The following SLC9A6 variants were observed in gnomAD, a reference collection of about 807,000 sequenced individuals.
The protein encoded by SLC9A6 is sodium/hydrogen exchanger 6.
Under a neutral mutation model 45.3 loss-of-function variants are expected in SLC9A6, and 6 were observed. The ratio of observed to expected loss-of-function variants is 0.13; its 90% CI spans 0.07 to 0.26. The LOEUF is 0.26. Ranked by LOEUF, SLC9A6 falls within the 10% of genes least tolerant of loss-of-function variation. The pLI, the probability that SLC9A6 is intolerant of heterozygous loss-of-function variation, is 1.00. For synonymous variants in SLC9A6, 191 were observed against 187.7 expected, an observed-to-expected ratio of 1.02 and a Z score of -0.14; for missense variants, 278 against 503.7, an observed-to-expected ratio of 0.55 and a Z score of 4.29.
Position 136,044,877 on chromosome X carries a change from C to T in SLC9A6, c.*153C>T, listed in dbSNP as rs1556623296. Reference sequence around the variant, plus strand: ...AGAAAGAATATAAATATCCTGTACACGGCAGATTGTGAACAAACTATATTC... The same window carrying T: ...AGAAAGAATATAAATATCCTGTACATGGCAGATTGTGAACAAACTATATTC... On this transcript the variant is annotated 3_prime_UTR_variant, in exon 18 of 18. Coordinates refer to ENST00000630721, the MANE Select transcript of SLC9A6 (RefSeq NM_001379110.1). 2.4e-5 allele frequency: 12 copies of T among 500,108 alleles called. No homozygotes were observed. Among genetic ancestry groups the T allele is most frequent in the Middle Eastern group, 5.5e-4 (1 of 1,834 alleles). The allele number at this position is 500,108 out of a possible 1,213,427, so 41.2% of individuals were successfully genotyped here. A position where few individuals can be genotyped will look rare whatever the true frequency, so the allele number is the denominator to read the frequency against.
intron 2 of SLC9A6, among the ~76,000 whole-genome samples, chrX:135,989,177 G>A (rs919954408): frequency 1.8e-5 from 2 of 111,165 alleles, no homozygotes; most frequent in Non-Finnish European, 3.8e-5. Flanking sequence ...AGAAGCAGGA[G>A]TAAAAACAGT....
Position 136,044,837 on chromosome X carries a change from C to G in SLC9A6, c.*113C>G. The G allele has an allele frequency of 1.6e-6, 1 of 639,563 alleles. No individual in the cohort carries two copies. Among genetic ancestry groups the G allele is most frequent in the South Asian group, 2.5e-5 (1 of 40,392 alleles). 52.7% of individuals were successfully genotyped at this position (639,563 alleles called of 1,213,427 possible). A position where few individuals can be genotyped will look rare whatever the true frequency, so the allele number is the denominator to read the frequency against. ...TCTGAATGTGTAAGCTATATAAATG[C>G]TATTTATATGGCATAGAAAGAATAT... On this transcript the variant is annotated 3_prime_UTR_variant, in exon 18 of 18. Transcript: ENST00000630721.
intron 7 of SLC9A6, among the ~76,000 whole-genome samples, chrX:136,003,241 G>C (rs1226302414): frequency 9.1e-6 from 1 of 109,666 alleles, no homozygotes; most frequent in African/African-American, 3.3e-5. Flanking sequence ...TGCCCGCCTC[G>C]GCCTCCCAAA....
At position 136,046,793 on chromosome X, in the gene SLC9A6, C is replaced by A. The variant is rs1463608545; in HGVS notation, c.*2069C>A. ...ACATCTCCAAGCAAGGAAGAAAAAA[C>A]AAACTCTGCTCAGACGCCTATGAAA... On this transcript the variant is annotated 3_prime_UTR_variant, in exon 18 of 18. Transcript: ENST00000630721. The A allele has an allele frequency of 8.9e-6, 1 of 112,426 alleles. No individual in the cohort carries two copies. Among genetic ancestry groups the A allele is most frequent in the Non-Finnish European group, 1.9e-5 (1 of 53,265 alleles). 9.3% of individuals were successfully genotyped at this position (112,426 alleles called of 1,213,427 possible). A position where few individuals can be genotyped will look rare whatever the true frequency, so the allele number is the denominator to read the frequency against.
At chrX:136,012,284 T>C (rs2070939237) in intron 8 of SLC9A6, among the ~76,000 whole-genome samples, 1 of 112,567 alleles carries the variant, frequency 8.9e-6, no homozygotes. Flanking sequence ...CTGAAGGTGA[T>C]GCCAAGAGTG....
intron 6 of SLC9A6, among the ~76,000 whole-genome samples, chrX:135,999,717 T>C (rs1397683290): frequency 8.9e-6 from 1 of 111,819 alleles, no homozygotes; most frequent in Non-Finnish European, 1.9e-5. Context: ...ATGGAAAGGT[T>C]GGGGTAGGAA....
chrX:136,033,847 C>A (rs2071369329), intron 16 of SLC9A6, among the ~76,000 whole-genome samples: 1 of 111,795 alleles, frequency 8.9e-6, no homozygotes, highest in African/African-American at 3.3e-5. Flanking sequence ...TTCTTGTCTG[C>A]GTACTTGGCA....
intron 12 of SLC9A6, 26 bp downstream of exon 12, chrX:136,022,723 C>T (rs1556620059): frequency 2.0e-6 from 2 of 984,571 alleles, no homozygotes; most frequent in Non-Finnish European, 2.9e-6. Flanking sequence ...CTTCTCTTGC[C>T]CACTTCAAGC....
intron 2 of SLC9A6, among the ~76,000 whole-genome samples, chrX:135,992,708 C>A (rs1219254663): frequency 2.7e-5 from 3 of 112,153 alleles, no homozygotes; most frequent in Non-Finnish European, 5.6e-5. Context: ...ATGTCTTACT[C>A]CCCCAGGGTT....
chrX:135,985,465 G>T lies in SLC9A6; in HGVS notation c.-69G>T. On this transcript the variant is annotated 5_prime_UTR_variant, in exon 1 of 18. Coordinates refer to ENST00000630721, the MANE Select transcript of SLC9A6 (RefSeq NM_001379110.1). The stretch of plus-strand genomic sequence containing the variant: ...CTCGGGGAGTGGTCCGACCGCGGGC[G>T]GCCGCCGGTGAGGTAGGGGCGGGAG... 3.0e-6 allele frequency: 3 copies of T among 999,097 alleles called. No homozygotes were observed. The highest frequency in any genetic ancestry group is 1.3e-6 in the Non-Finnish European group (1 of 780,035). The allele number at this position is 999,097 out of a possible 1,213,427, so 82.3% of individuals were successfully genotyped here. A position where few individuals can be genotyped will look rare whatever the true frequency, so the allele number is the denominator to read the frequency against.
intron 16 of SLC9A6, among the ~76,000 whole-genome samples, chrX:136,038,727 T>G (rs1175605770): frequency 3.7e-5 from 4 of 108,786 alleles, no homozygotes; most frequent in South Asian, 3.9e-4. Flanking sequence ...ACTATCTAGG[T>G]TTTTTTTTCT....
chrX:136,033,389 T>C, intron 15 of SLC9A6, 25 bp from the exon 16 acceptor site: 1 of 1,002,447 alleles, frequency 1.0e-6, no homozygotes, highest in Non-Finnish European at 1.4e-6. Context: ...GTATAGATAT[T>C]GATTTCTGTA....
chrX:135,976,743 A>G (rs782269988), intron 1 of SLC9A6, among the ~76,000 whole-genome samples: 18 of 112,421 alleles, frequency 1.6e-4, no homozygotes, highest in Non-Finnish European at 3.2e-4. Flanking sequence ...AAAGAAATTC[A>G]ATAATGAATC....
intron 4 of SLC9A6, 147 bp downstream of exon 4, chrX:135,998,332 G>A: frequency 1.8e-6 from 1 of 552,505 alleles, no homozygotes; most frequent in Non-Finnish European, 3.0e-6. Flanking sequence ...ATTTATACCT[G>A]TACAAGAATG....
At position 136,046,937 on chromosome X, in the gene SLC9A6, G is replaced by A. The variant is rs1411367703; in HGVS notation, c.*2213G>A. Reference sequence around the variant, plus strand: ...TACGCGTTTGAATGGCTTGAACGTTGCATCTTTTAAAGTTATTTTTTAAGG... The same window carrying A: ...TACGCGTTTGAATGGCTTGAACGTTACATCTTTTAAAGTTATTTTTTAAGG... On this transcript the variant is annotated 3_prime_UTR_variant, in exon 18 of 18. Coordinates refer to ENST00000630721, the MANE Select transcript of SLC9A6 (RefSeq NM_001379110.1). 1 of 112,797 alleles carries A rather than the reference G, an allele frequency of 8.9e-6. No individual in the cohort carries two copies. Among genetic ancestry groups the A allele is most frequent in the Non-Finnish European group, 1.9e-5 (1 of 53,301 alleles). 9.3% of individuals were successfully genotyped at this position (112,797 alleles called of 1,213,427 possible).
chrX:136,002,069 T>A, intron 6 of SLC9A6, 39 bp from the exon 7 acceptor site: 1 of 881,797 alleles, frequency 1.1e-6, no homozygotes, highest in East Asian at 3.1e-5. Flanking sequence ...GTTATATTTG[T>A]AATGTCTAAG....
chrX:135,985,434 T>C, upstream of SLC9A6: 2 of 789,977 alleles, frequency 2.5e-6, no homozygotes, highest in Non-Finnish European at 3.3e-6. Context: ...CCCTTTCCCG[T>C]GAGCCCTCGG....
intron 13 of SLC9A6, among the ~76,000 whole-genome samples, chrX:136,026,597 G>A (rs1411940033): frequency 9.2e-6 from 1 of 108,935 alleles, no homozygotes; most frequent in Non-Finnish European, 1.9e-5. Context: ...GTGCAGTGGT[G>A]CAATCTCAGC....
chrX:136,009,486 G>A (rs1386052121), intron 7 of SLC9A6, among the ~76,000 whole-genome samples: 9 of 111,597 alleles, frequency 8.1e-5, no homozygotes, highest in Non-Finnish European at 1.7e-4. Flanking sequence ...AGCAACCACA[G>A]GGAGAATTCA....
Sources: allele counts gnomAD v4.1 joint callset (sites outside exome capture counted in the v4.1 genomes callset), GRCh38; gene constraint gnomAD v4.1.1; transcripts MANE v1.5; gene names NCBI Gene and HGNC (gene_info 2026-07-23, HGNC 2026-07-21).